The following CFAP44 variants were observed in gnomAD, a reference collection of about 807,000 sequenced individuals.
The protein encoded by CFAP44 is cilia and flagella associated protein 44.
CFAP44 carries 134 observed loss-of-function variants against 216.2 expected under a neutral mutation model. That is an observed-to-expected ratio of 0.62 (90% confidence interval 0.54 to 0.72). The LOEUF (loss-of-function observed/expected upper bound fraction) is 0.72, where lower values mean the gene tolerates loss of function less well. CFAP44 is among the 30% of genes least tolerant of loss of function. CFAP44 has a pLI of 0.00. For missense variants in CFAP44, 2,035 were observed against 2,182.1 expected, an observed-to-expected ratio of 0.93 and a Z score of 1.34; for synonymous variants, 700 against 727.6, an observed-to-expected ratio of 0.96 and a Z score of 0.61.
chr3:113,418,011 G>A (rs1451682381), intron 5 of CFAP44, among the ~76,000 whole-genome samples: 2 of 151,980 alleles, frequency 1.3e-5, no homozygotes, highest in African/African-American at 4.8e-5. Context: ...AACTGCTGTG[G>A]GGTTGAGTTT....
At chr3:113,294,446 T>C in intron 34 of CFAP44, 1 of 453,196 alleles carries the variant, frequency 2.2e-6, no homozygotes, top group South Asian at 3.4e-5. Context: ...CCAAGGCAAT[T>C]CTATTGATTA....
At position 113,286,986 on chromosome 3, in the gene CFAP44, C is replaced by T. The variant is rs1949756269; in HGVS notation, c.*4571G>A. 2 of 1,001,622 alleles carry T rather than the reference C, an allele frequency of 2.0e-6. No individual in the cohort carries two copies. Among genetic ancestry groups the T allele is most frequent in the Admixed American group, 2.3e-5 (1 of 43,610 alleles). 62.0% of individuals were successfully genotyped at this position (1,001,622 alleles called of 1,614,324 possible). ...ATAGCCATATTTATATATTTATGCA[C>T]TTGTAAATAAATGTATATGTTTTAT... On this transcript the variant is annotated 3_prime_UTR_variant, in exon 35 of 35. Transcript: ENST00000393845.
intron 22 of CFAP44, among the ~76,000 whole-genome samples, 164 bp from the exon 23 acceptor site, chr3:113,344,876 G>T (rs1950366311): frequency 1.3e-5 from 2 of 151,806 alleles, no homozygotes; most frequent in East Asian, 3.9e-4. Context: ...CATGAAAGTT[G>T]GATTGGACTT....
intron 15 of CFAP44, among the ~76,000 whole-genome samples, chr3:113,394,719 C>T (rs534606616): frequency 2.6e-5 from 4 of 151,138 alleles, no homozygotes; most frequent in Non-Finnish European, 4.4e-5. Flanking sequence ...CAACAGCTGA[C>T]GAGCTAAAAA....
Position 113,290,206 on chromosome 3 carries a change from G to C in CFAP44, c.*1351C>G, listed in dbSNP as rs775178369. On this transcript the variant is annotated 3_prime_UTR_variant, in exon 35 of 35. Transcript: ENST00000393845. Reference sequence around the variant, plus strand: ...AAGTGATTTAAAAAAAAAAGTGGGTGCTCTCCAGTAGAGAAGTGACTACAT... The same window carrying C: ...AAGTGATTTAAAAAAAAAAGTGGGTCCTCTCCAGTAGAGAAGTGACTACAT... 1.3e-5 allele frequency: 2 copies of C among 152,176 alleles called. No homozygotes were observed. Among genetic ancestry groups the C allele is most frequent in the African/African-American group, 4.8e-5 (2 of 41,428 alleles). 9.4% of individuals were successfully genotyped at this position (152,176 alleles called of 1,614,324 possible). A position where few individuals can be genotyped will look rare whatever the true frequency, so the allele number is the denominator to read the frequency against.
At chr3:113,397,953 A>G (rs1167502770) in intron 13 of CFAP44, among the ~76,000 whole-genome samples, 1 of 152,196 alleles carries the variant, frequency 6.6e-6, no homozygotes, top group Admixed American at 6.5e-5. Flanking sequence ...GAAAAGTCTC[A>G]GCTAGACATG....
At position 113,373,512 on chromosome 3, in the gene CFAP44, A is replaced by AG. The variant is rs754245535; in HGVS notation, c.2342dup (p.Cys782LeufsTer2). The AG allele has an allele frequency of 2.5e-6, 4 of 1,605,210 alleles. No homozygotes were observed. The highest frequency in any genetic ancestry group is 1.1e-5 in the South Asian group (1 of 89,468). Reference sequence around the variant, plus strand: ...CTTTGAAATCACTGCTTTCATCACAAGGGGGGAACTCACAGTGATATAGAA... The same window carrying AG: ...CTTTGAAATCACTGCTTTCATCACAAGGGGGGGAACTCACAGTGATATAGAA... On this transcript the variant is annotated frameshift_variant, in exon 18 of 35. Coordinates refer to ENST00000393845, the MANE Select transcript of CFAP44 (RefSeq NM_001164496.2). LOFTEE classifies it high-confidence loss of function.
chr3:113,329,443 C>A (rs1950221662), intron 26 of CFAP44, among the ~76,000 whole-genome samples: 2 of 152,014 alleles, frequency 1.3e-5, no homozygotes, highest in South Asian at 4.2e-4. Context: ...GAGGCAAGAA[C>A]AGTGAGAAAA....
chr3:113,396,400 T>A (rs918097960), intron 14 of CFAP44, 118 bp downstream of exon 14: 2 of 1,152,136 alleles, frequency 1.7e-6, no homozygotes, highest in African/African-American at 3.1e-5. Flanking sequence ...GAAAGCAAAA[T>A]GTGAATATAT....
Position 113,419,499 on chromosome 3 carries a change from T to A in CFAP44, c.570+518A>T, listed in dbSNP as rs910684049. ...TCTCCGAGGACATGGACTTTTATCA[T>A]GTATACATACTATATATAGATAGAT... is the stretch of plus-strand genomic sequence containing the variant. On this transcript the variant is annotated intron_variant, in intron 5 of 34. Coordinates refer to ENST00000393845, the MANE Select transcript of CFAP44 (RefSeq NM_001164496.2). 4.6e-5 allele frequency among the ~76,000 whole-genome samples: 7 copies of A among 152,216 alleles called. 1 individual carries two copies. Among genetic ancestry groups the A allele is most frequent in the Admixed American group, 3.9e-4 (6 of 15,284 alleles).
chr3:113,338,109 A>AG (rs1950296567), intron 24 of CFAP44, among the ~76,000 whole-genome samples: 1 of 151,752 alleles, frequency 6.6e-6, no homozygotes, highest in East Asian at 1.9e-4. Flanking sequence ...CTAAAAAAAA[A>AG]ATGCAAAAGT....
At chr3:113,305,393 A>G (rs543918795) in intron 30 of CFAP44, among the ~76,000 whole-genome samples, 1 of 152,326 alleles carries the variant, frequency 6.6e-6, no homozygotes, top group East Asian at 1.9e-4. Context: ...AGTTTTGTGA[A>G]TAAGAGCCCA....
intron 32 of CFAP44, among the ~76,000 whole-genome samples, chr3:113,297,187 T>G (rs1949890120): frequency 6.6e-6 from 1 of 151,968 alleles, no homozygotes; most frequent in African/African-American, 2.4e-5. Context: ...AGCTTGTCAG[T>G]TTTTTCAAAT....
intron 17 of CFAP44, among the ~76,000 whole-genome samples, chr3:113,375,015 A>T (rs1933295042): frequency 6.6e-6 from 1 of 152,222 alleles, no homozygotes; most frequent in African/African-American, 2.4e-5. Context: ...CCTTGAAAGG[A>T]AATTCTGACA....
intron 4 of CFAP44, among the ~76,000 whole-genome samples, chr3:113,421,674 T>C (rs1011248973): frequency 1.3e-5 from 2 of 152,218 alleles, no homozygotes; most frequent in Non-Finnish European, 2.9e-5. Context: ...AATGAAATCA[T>C]GTCCTTTGCA....
At chr3:113,411,029 G>T (rs201614884) in intron 6 of CFAP44, among the ~76,000 whole-genome samples, 9 of 152,052 alleles carry the variant, frequency 5.9e-5, no homozygotes, top group African/African-American at 1.7e-4. Context: ...GAGTTCTTTG[G>T]AGATTCTGGA....
At chr3:113,317,956 C>T (rs1250641898) in intron 28 of CFAP44, among the ~76,000 whole-genome samples, 1 of 152,176 alleles carries the variant, frequency 6.6e-6, no homozygotes, top group East Asian at 1.9e-4. Context: ...CTCCCACTCC[C>T]TCACCCCTAC....
rs999544316 is a variant in CFAP44 at position 113,288,196 on chromosome 3, T to C, written c.*3361A>G. On this transcript the variant is annotated 3_prime_UTR_variant, in exon 35 of 35. Transcript: ENST00000393845. ...CCCTGGCTTTTAAACATGAAGAATT[T>C]GATAAACAGGGTCCTAGGGAAGAGT... 6.6e-6 allele frequency: 1 copy of C among 152,088 alleles called. No homozygotes were observed. The highest frequency in any genetic ancestry group is 2.4e-5 in the African/African-American group (1 of 41,400). 9.4% of individuals were successfully genotyped at this position (152,088 alleles called of 1,614,324 possible). A position where few individuals can be genotyped will look rare whatever the true frequency, so the allele number is the denominator to read the frequency against.
At chr3:113,399,475 T>C (rs1184413121) in intron 13 of CFAP44, among the ~76,000 whole-genome samples, 1 of 144,518 alleles carries the variant, frequency 6.9e-6, no homozygotes, top group Non-Finnish European at 1.6e-5. Flanking sequence ...TATCTGCCTC[T>C]GCCTCCCTCC....
Sources: allele counts gnomAD v4.1 joint callset (sites outside exome capture counted in the v4.1 genomes callset), GRCh38; gene constraint gnomAD v4.1.1; transcripts MANE v1.5; gene names NCBI Gene and HGNC (gene_info 2026-07-23, HGNC 2026-07-21).